The following TEC variants were observed in gnomAD, a reference collection of about 807,000 sequenced individuals.
TEC encodes tec protein tyrosine kinase, also known as tyrosine-protein kinase Tec.
In TEC, 72 loss-of-function variants were observed where a neutral mutation model predicts 93.0. The observed-to-expected ratio is 0.77, with a 90% CI of 0.64 to 0.94. The LOEUF (loss-of-function observed/expected upper bound fraction) is 0.94. Ranked by LOEUF, TEC falls within the 40% of genes least tolerant of loss-of-function variation. The pLI is 0.00. For missense variants in TEC, 630 were observed against 757.9 expected, an observed-to-expected ratio of 0.83 and a Z score of 1.98; for synonymous variants, 249 against 247.7, an observed-to-expected ratio of 1.01 and a Z score of -0.05.
intron 1 of TEC, among the ~76,000 whole-genome samples, chr4:48,247,904 G>A (rs1248597019): frequency 6.6e-6 from 1 of 152,194 alleles, no homozygotes; most frequent in African/African-American, 2.4e-5. Context: ...AACAATACAT[G>A]TACAACATGT....
intron 2 of TEC, among the ~76,000 whole-genome samples, chr4:48,217,720 T>G (rs1723127641): frequency 6.6e-6 from 1 of 151,768 alleles, no homozygotes; most frequent in Non-Finnish European, 1.5e-5. Context: ...GATTATGGAT[T>G]AGATCCTGGA....
Position 48,176,108 on chromosome 4 carries a change from G to A in TEC, c.217C>T (p.Pro73Ser). 1 of 1,613,720 alleles carries A rather than the reference G, an allele frequency of 6.2e-7. No individual in the cohort carries two copies. ...EIVKNDDGVI[P>S]CQNKYPFQVV... is the part of the protein sequence containing the mutation. ...TGAAATGGATACTTATTTTGACAGG[G>A]AATGACACCATCATCATTCTTCACT... The change falls in exon 3 of 18, where the codon CCC becomes TCC. Residue 73 changes from proline (P) to serine (S), a missense_variant. By Grantham distance (74) the Pro-to-Ser change is moderately conservative. Around this residue, in one of 3 missense-constraint regions of TEC, gnomAD observed 335 missense variants for 351.5 expected, o/e 0.95. Coordinates refer to ENST00000381501, the MANE Select transcript of TEC (RefSeq NM_003215.3).
chr4:48,261,124 T>C (rs1724487120), intron 1 of TEC, among the ~76,000 whole-genome samples: 1 of 152,198 alleles, frequency 6.6e-6, no homozygotes, highest in African/African-American at 2.4e-5. Context: ...AAAAATGTCT[T>C]CTGGCTAGGA....
chr4:48,196,503 C>G (rs1722306305), intron 2 of TEC, among the ~76,000 whole-genome samples: 1 of 152,190 alleles, frequency 6.6e-6, no homozygotes, highest in Non-Finnish European at 1.5e-5. Flanking sequence ...AGAACGCTGA[C>G]AAACAGTTTA....
chr4:48,171,351 A>G lies in TEC; in HGVS notation c.325+17T>C. 1.9e-6 allele frequency: 3 copies of G among 1,602,256 alleles called. No homozygotes were observed. In the South Asian group the frequency reaches 3.3e-5, roughly 18 times the overall value. ...CTCCTAAAATTATATACAGAGTAAT[A>G]TTTCATTGAGTTTTACCTTCTTTTA... is the stretch of plus-strand genomic sequence containing the variant. On this transcript the variant is annotated intron_variant, in intron 4 of 17. Coordinates refer to ENST00000381501, the MANE Select transcript of TEC (RefSeq NM_003215.3).
chr4:48,240,616 C>T (rs1723899829), intron 1 of TEC, among the ~76,000 whole-genome samples: 1 of 152,138 alleles, frequency 6.6e-6, no homozygotes, highest in Non-Finnish European at 1.5e-5. Flanking sequence ...CCTCTCTTCC[C>T]TCTATGTCCT....
At chr4:48,255,874 G>A (rs1265652334) in intron 1 of TEC, among the ~76,000 whole-genome samples, 1 of 152,138 alleles carries the variant, frequency 6.6e-6, no homozygotes, top group Non-Finnish European at 1.5e-5. Flanking sequence ...TATGAAGGGT[G>A]ATCTGTGACT....
At chr4:48,262,219 C>T (rs571222742) in intron 1 of TEC, among the ~76,000 whole-genome samples, 8 of 3,006 alleles carry the variant, frequency 2.7e-3, no homozygotes, top group Non-Finnish European at 0.019. Context: ...TTTTTTGAGA[C>T]GGAGTCTTGC....
chr4:48,178,209 A>AGGGTC (rs78065644), intron 2 of TEC, among the ~76,000 whole-genome samples: 57,265 of 151,440 alleles, frequency 0.38, 11,798 homozygotes, highest in East Asian at 0.9. Context: ...AGCGGCCTCA[A>AGGGTC]ACTACCAGTG....
intron 5 of TEC, among the ~76,000 whole-genome samples, chr4:48,168,837 G>A (rs776364532): frequency 3.9e-5 from 6 of 152,116 alleles, no homozygotes; most frequent in African/African-American, 1.4e-4. Flanking sequence ...CTTTCTGAAC[G>A]CACAATAAAT....
At chr4:48,265,772 C>T (rs1724626062) in intron 1 of TEC, among the ~76,000 whole-genome samples, 1 of 152,114 alleles carries the variant, frequency 6.6e-6, no homozygotes, top group South Asian at 2.1e-4. Context: ...CTTGGCCTCC[C>T]AAAGTGCTGG....
At chr4:48,175,811 T>C (rs532151918) in intron 3 of TEC, among the ~76,000 whole-genome samples, 1 of 152,356 alleles carries the variant, frequency 6.6e-6, no homozygotes, top group African/African-American at 2.4e-5. Flanking sequence ...AGCAGCCTTT[T>C]AATCTCATTT....
At chr4:48,207,287 G>T (rs1722746447) in intron 2 of TEC, among the ~76,000 whole-genome samples, 1 of 152,166 alleles carries the variant, frequency 6.6e-6, no homozygotes, top group South Asian at 2.1e-4. Context: ...TGACAGACTA[G>T]TGATTCTGGA....
At chr4:48,177,176 T>C (rs1721365782) in intron 2 of TEC, among the ~76,000 whole-genome samples, 2 of 152,152 alleles carry the variant, frequency 1.3e-5, no homozygotes, top group South Asian at 4.1e-4. Context: ...GGGAAAAATC[T>C]AAAAGAAGAC....
chr4:48,225,478 TCA>T (rs1250966184), intron 2 of TEC, among the ~76,000 whole-genome samples: 1 of 152,074 alleles, frequency 6.6e-6, no homozygotes, highest in Non-Finnish European at 1.5e-5. Flanking sequence ...CGACCGGCCC[TCA>T]CATTCTTTTC....
chr4:48,202,204 G>A (rs62309349), intron 2 of TEC, among the ~76,000 whole-genome samples: 12,216 of 152,042 alleles, frequency 0.08, 682 homozygotes, highest in East Asian at 0.31. Context: ...ATAAATAAAC[G>A]TGTAAAGGCA....
chr4:48,214,451 G>A (rs965921906), intron 2 of TEC, among the ~76,000 whole-genome samples: 3 of 152,180 alleles, frequency 2.0e-5, no homozygotes, highest in African/African-American at 7.2e-5. Context: ...TTGACCTAAC[G>A]ATTTTTCAAA....
At chr4:48,202,256 G>C (rs529344393) in intron 2 of TEC, among the ~76,000 whole-genome samples, 21 of 152,254 alleles carry the variant, frequency 1.4e-4, no homozygotes, top group African/African-American at 5.1e-4. Flanking sequence ...TCAAATCAGT[G>C]TGAACCACCA....
At chr4:48,147,480 T>C (rs1381246148) in intron 11 of TEC, among the ~76,000 whole-genome samples, 4 of 152,172 alleles carry the variant, frequency 2.6e-5, no homozygotes, top group Non-Finnish European at 5.9e-5. Flanking sequence ...GCAATAAACA[T>C]TAATGGCAAT....
Sources: allele counts gnomAD v4.1 joint callset (sites outside exome capture counted in the v4.1 genomes callset), GRCh38; gene constraint gnomAD v4.1.1; regional missense constraint gnomAD v4.1.1; transcripts MANE v1.5; gene names NCBI Gene and HGNC (gene_info 2026-07-23, HGNC 2026-07-21).